Variants in FIG4 observed in about 807,000 individuals in gnomAD.
FIG4 encodes FIG4 phosphoinositide 5-phosphatase, also known as polyphosphoinositide phosphatase.
Under a neutral mutation model 118.6 loss-of-function variants are expected in FIG4, and 112 were observed. That is an observed-to-expected ratio of 0.94 (90% CI 0.81 to 1.11). FIG4 has a LOEUF of 1.11. FIG4 is among the 50% of genes least tolerant of loss of function. The pLI, the probability that FIG4 is intolerant of heterozygous loss-of-function variation, is 0.00. For synonymous variants in FIG4, 369 were observed against 381.2 expected (o/e 0.97, Z 0.37); for missense variants, 969 against 1,111.7 (o/e 0.87, Z 1.83).
At chr6:109,807,446 T>C (rs1289605604) in intron 22 of FIG4, among the ~76,000 whole-genome samples, 3 of 152,234 alleles carry the variant, frequency 2.0e-5, no homozygotes, top group Non-Finnish European at 4.4e-5. Context: ...TCTCCCACTT[T>C]TTGACAGGTT....
chr6:109,774,440 A>G (rs935466754), intron 15 of FIG4, among the ~76,000 whole-genome samples: 4 of 152,028 alleles, frequency 2.6e-5, no homozygotes, highest in African/African-American at 7.2e-5. Flanking sequence ...ACCTTTTTGC[A>G]TATTTTGATC....
At chr6:109,782,599 CT>C (rs5879045) in intron 16 of FIG4, among the ~76,000 whole-genome samples, 38,028 of 151,966 alleles carry the variant, frequency 0.25, 6,468 homozygotes, top group African/African-American at 0.45. Flanking sequence ...AAGCAACATT[CT>C]TTAGGGAATT....
At chr6:109,704,499 T>C (rs920981583) in intron 1 of FIG4, among the ~76,000 whole-genome samples, 1 of 151,650 alleles carries the variant, frequency 6.6e-6, no homozygotes, top group Non-Finnish European at 1.5e-5. Flanking sequence ...CTACTAAAAA[T>C]ACAACAACAA....
intron 22 of FIG4, among the ~76,000 whole-genome samples, chr6:109,816,925 G>GCAAATCCT: frequency 6.6e-6 from 1 of 152,186 alleles, no homozygotes; most frequent in African/African-American, 2.4e-5. Flanking sequence ...GCAATCCATT[G>GCAAATCCT]GTCTGAGTTT....
chr6:109,757,908 A>G (rs12203993), intron 10 of FIG4, among the ~76,000 whole-genome samples: 49,463 of 152,024 alleles, frequency 0.33, 8,588 homozygotes, highest in South Asian at 0.45. Context: ...TAAAAGGGAT[A>G]TGAAGGACCT....
At position 109,765,053 on chromosome 6, in the gene FIG4, G is replaced by A; in HGVS notation, c.1475G>A (p.Arg492His). The A allele has an allele frequency of 6.2e-7, 1 of 1,613,436 alleles. No homozygotes were observed. Reference protein sequence around the residue: ...LRTNCVDCLDRTNTAQFMVGK... With the variant: ...LRTNCVDCLDHTNTAQFMVGK... ...ACCAACTGTGTGGACTGTTTAGATCGCACCAACACAGCACAGTTTATGGTG... is the reference window on the plus strand; with the variant it reads ...ACCAACTGTGTGGACTGTTTAGATCACACCAACACAGCACAGTTTATGGTG... The change falls in exon 14 of 23, where the codon CGC becomes CAC. Residue 492 changes from arginine (R) to histidine (H), a missense_variant. This residue lies in a region of FIG4 where 246 missense variants were observed against 354.3 expected (regional missense o/e 0.69). Coordinates refer to ENST00000230124, the MANE Select transcript of FIG4 (RefSeq NM_014845.6).
chr6:109,816,467 A>G (rs1376142889), intron 22 of FIG4, among the ~76,000 whole-genome samples: 6 of 152,218 alleles, frequency 3.9e-5, no homozygotes, highest in Non-Finnish European at 8.8e-5. Flanking sequence ...TGGGACAGTA[A>G]AAGGACGTTA....
chr6:109,692,057 C>T (rs1367349289), intron 1 of FIG4, among the ~76,000 whole-genome samples: 1 of 151,774 alleles, frequency 6.6e-6, no homozygotes, highest in Non-Finnish European at 1.5e-5. Flanking sequence ...TAACATCTTG[C>T]TTTTCACTTG....
At chr6:109,702,798 T>G (rs1347989602) in intron 1 of FIG4, among the ~76,000 whole-genome samples, 4 of 152,190 alleles carry the variant, frequency 2.6e-5, no homozygotes, top group African/African-American at 9.6e-5. Context: ...TTACTACAAA[T>G]TTGTAATAAA....
rs890382323 is a variant in FIG4 at position 109,737,699 on chromosome 6, A to G, written c.647-626A>G. Among the ~76,000 whole-genome samples, 9 of 152,162 alleles carry G rather than the reference A, an allele frequency of 5.9e-5. No homozygotes were observed. The East Asian group carries it at 1.7e-3, about 29-fold the overall frequency. ...ATTGCTGTTTAATACATTTATCTGG[A>G]TATGCTAAAATTATGTTTGATGAAA... On this transcript the variant is annotated intron_variant, in intron 6 of 22. Coordinates refer to ENST00000230124, the MANE Select transcript of FIG4 (RefSeq NM_014845.6).
intron 8 of FIG4, among the ~76,000 whole-genome samples, chr6:109,741,806 C>CTAATATTAGAATATCTAATATTAGAAGT (rs1776332705): frequency 6.6e-6 from 1 of 152,080 alleles, no homozygotes; most frequent in Non-Finnish European, 1.5e-5. Context: ...TACTTTAAAT[C>CTAATATTAGAATATCTAATATTAGAAGT]ATCTCTAGAT....
At chr6:109,824,156 G>A (rs1779089306) in intron 22 of FIG4, among the ~76,000 whole-genome samples, 1 of 152,226 alleles carries the variant, frequency 6.6e-6, no homozygotes, top group Non-Finnish European at 1.5e-5. Flanking sequence ...TAAGCCTGTG[G>A]CAGCCCAAGT....
intron 17 of FIG4, chr6:109,785,657 T>TC (rs977508121): frequency 6.4e-6 from 3 of 470,742 alleles, no homozygotes; most frequent in Admixed American, 2.4e-5. Context: ...AAGCTCATTT[T>TC]CCATTTGGTA....
At chr6:109,735,055 A>T in intron 5 of FIG4, 95 bp from the exon 6 acceptor site, 1 of 1,023,376 alleles carries the variant, frequency 9.8e-7, no homozygotes. Context: ...GGTGCTAAGT[A>T]ATTTAGTTCA....
At chr6:109,714,865 T>A (rs887729318) in intron 1 of FIG4, among the ~76,000 whole-genome samples, 1 of 152,196 alleles carries the variant, frequency 6.6e-6, no homozygotes, top group Middle Eastern at 3.2e-3. Flanking sequence ...ATCAGACTGA[T>A]CTTTATCATG....
rs141040807 is a variant in FIG4 at position 109,691,462 on chromosome 6, C to G, written c.27C>G (p.Ile9Met). 6 of 1,586,904 alleles carry G rather than the reference C, an allele frequency of 3.8e-6. No individual in the cohort carries two copies. The highest frequency in any genetic ancestry group is 5.1e-6 in the Non-Finnish European group (6 of 1,166,342). Residue 9 changes from isoleucine to methionine, a missense_variant, in exon 1 of 23, where the codon ATC becomes ATG. Around this residue, in one of 3 missense-constraint regions of FIG4, gnomAD observed 393 missense variants for 409.4 expected, o/e 0.96. Transcript: ENST00000230124. MPTAAAPI[I>M]SSVQKLVLYE... Reference sequence around the variant, plus strand: ...TGCCCACGGCCGCCGCCCCCATCATCAGCTCGGTCCAGAAGCTGGTTCTGT... The same window carrying G: ...TGCCCACGGCCGCCGCCCCCATCATGAGCTCGGTCCAGAAGCTGGTTCTGT...
At chr6:109,726,439 G>A (rs1448171058) in intron 3 of FIG4, among the ~76,000 whole-genome samples, 1 of 152,116 alleles carries the variant, frequency 6.6e-6, no homozygotes, top group Non-Finnish European at 1.5e-5. Context: ...TGAGGCCTCT[G>A]TTCTGTTCCA....
chr6:109,771,461 CTTT>C (rs71018367), intron 15 of FIG4, among the ~76,000 whole-genome samples: 27,773 of 83,446 alleles, frequency 0.33, 1,733 homozygotes, highest in African/African-American at 0.41. Context: ...TCCTCTAATT[CTTT>C]TTTTTTTTTT....
chr6:109,746,795 A>G (rs149600567), intron 10 of FIG4, among the ~76,000 whole-genome samples: 150 of 152,270 alleles, frequency 9.9e-4, no homozygotes, highest in African/African-American at 3.4e-3. Flanking sequence ...GCTAATGTCA[A>G]TGCTGGAAGA....
Sources: gnomAD v4.1 joint callset for allele counts (sites outside exome capture counted in the v4.1 genomes callset) on GRCh38, gnomAD v4.1.1 for gene constraint, gnomAD v4.1.1 regional missense constraint, MANE v1.5 for transcripts, NCBI Gene and HGNC (gene_info 2026-07-23, HGNC 2026-07-21) for gene names.